PPP1R14C: variants seen among roughly 807,000 people sequenced by gnomAD.
PPP1R14C encodes protein phosphatase 1 regulatory subunit 14C.
PPP1R14C carries 16 observed loss-of-function variants against 20.4 expected under a neutral mutation model. The ratio of observed to expected loss-of-function variants is 0.78; its 90% CI spans 0.53 to 1.19. The LOEUF (loss-of-function observed/expected upper bound fraction) is 1.19, where lower values mean the gene tolerates loss of function less well. PPP1R14C is among the 50% of genes most tolerant of loss of function. PPP1R14C has a pLI of 0.00. For missense variants in PPP1R14C, 211 were observed against 220.1 expected, an observed-to-expected ratio of 0.96 and a Z score of 0.26; for synonymous variants, 91 against 91.0, an observed-to-expected ratio of 1.00 and a Z score of 0.00.
At chr6:150,194,187 T>TC (rs1777777094) in intron 1 of PPP1R14C, among the ~76,000 whole-genome samples, 1 of 152,226 alleles carries the variant, frequency 6.6e-6, no homozygotes, top group Admixed American at 6.5e-5. Flanking sequence ...TCTTTATGAA[T>TC]ACCCAGTCTC....
In PPP1R14C at chr6:150,240,323, C is replaced by T. The variant is rs535120976; in HGVS notation, c.424-8423C>T. Among the ~76,000 whole-genome samples, 166 of 152,240 alleles carry T rather than the reference C, an allele frequency of 1.1e-3. 1 individual carries two copies. The highest frequency in any genetic ancestry group is 3.7e-3 in the African/African-American group (155 of 41,536). ...CAGTGGAGAATGTCCAGGTTCTTCGCGTTTTGAACAAAGAATTGGACAAAA... is the reference window on the plus strand; with the variant it reads ...CAGTGGAGAATGTCCAGGTTCTTCGTGTTTTGAACAAAGAATTGGACAAAA... On this transcript the variant is annotated intron_variant, in intron 3 of 3. Coordinates refer to ENST00000361131, the MANE Select transcript of PPP1R14C (RefSeq NM_030949.3).
At chr6:150,154,061 C>G (rs1777279200) in intron 1 of PPP1R14C, among the ~76,000 whole-genome samples, 1 of 152,202 alleles carries the variant, frequency 6.6e-6, no homozygotes, top group Non-Finnish European at 1.5e-5. Context: ...GTCCTGTTCA[C>G]AGTTGTGTTA....
chr6:150,209,732 AGTGTGTGTATTC>A lies in PPP1R14C; in HGVS notation c.307-5001_307-4990del, dbSNP rs1327853305. On this transcript the variant is annotated intron_variant, in intron 1 of 3. Coordinates refer to ENST00000361131, the MANE Select transcript of PPP1R14C (RefSeq NM_030949.3). ...GCATGTGAGCGTATGAGTAGTGTGGAGTGTGTGTATTCGTGTGTGTATGTTTGTATATATATT... is the reference window on the plus strand; with the variant it reads ...GCATGTGAGCGTATGAGTAGTGTGGAGTGTGTGTATGTTTGTATATATATT... 1.5e-5 allele frequency among the ~76,000 whole-genome samples: 2 copies of A among 137,818 alleles called. 1 individual carries two copies. The highest frequency in any genetic ancestry group is 3.1e-5 in the Non-Finnish European group (2 of 63,974). The allele number at this position is 137,818 out of a possible 152,430, so 90.4% of individuals were successfully genotyped here.
intron 1 of PPP1R14C, among the ~76,000 whole-genome samples, chr6:150,168,499 C>G (rs1359212863): frequency 6.6e-6 from 1 of 151,686 alleles, no homozygotes; most frequent in Non-Finnish European, 1.5e-5. Context: ...CGCCACTACA[C>G]TCCAGCCTGG....
chr6:150,216,824 G>A lies in PPP1R14C; in HGVS notation c.391G>A (p.Glu131Lys), dbSNP rs752393854. ...SDEERASKLQ[E>K]ALVDCYKPTE... ...TGATTTTCTGTGTGTTTAATTCTAG[G>A]AAGCTCTTGTAGACTGCTACAAACC... The change falls in exon 3 of 4, where the codon GAA becomes AAA. Residue 131 changes from glutamate (E) to lysine (K), a missense_variant and splice_region_variant. Transcript: ENST00000361131. The A allele has an allele frequency of 9.4e-6, 15 of 1,592,110 alleles. No homozygotes were observed. Among genetic ancestry groups the A allele is most frequent in the Non-Finnish European group, 1.3e-5 (15 of 1,168,202 alleles).
chr6:150,199,732 A>G (rs7751160), intron 1 of PPP1R14C, among the ~76,000 whole-genome samples: 31,769 of 152,022 alleles, frequency 0.21, 4,121 homozygotes, highest in Non-Finnish European at 0.29. Flanking sequence ...AGCCAGGCTT[A>G]GTGGCACGCA....
At chr6:150,212,769 C>T (rs991958652) in intron 1 of PPP1R14C, among the ~76,000 whole-genome samples, 7 of 152,118 alleles carry the variant, frequency 4.6e-5, no homozygotes, top group African/African-American at 9.7e-5. Flanking sequence ...TGTTTAGATG[C>T]GCAAATATTT....
chr6:150,206,140 C>G (rs1777947081), intron 1 of PPP1R14C, among the ~76,000 whole-genome samples: 1 of 152,156 alleles, frequency 6.6e-6, no homozygotes, highest in African/African-American at 2.4e-5. Context: ...ACGTGTTTTC[C>G]CTTGATGCTG....
intron 3 of PPP1R14C, among the ~76,000 whole-genome samples, chr6:150,233,281 A>C (rs1470173834): frequency 6.6e-6 from 1 of 152,204 alleles, no homozygotes; most frequent in African/African-American, 2.4e-5. Flanking sequence ...AAGTACAGCA[A>C]ATCTTCACTT....
chr6:150,148,434 G>T (rs1777203022), intron 1 of PPP1R14C, among the ~76,000 whole-genome samples: 1 of 152,214 alleles, frequency 6.6e-6, no homozygotes, highest in Non-Finnish European at 1.5e-5. Flanking sequence ...CCCATGGTTT[G>T]CCTGTTCCCA....
At chr6:150,211,066 A>G (rs1481211945) in intron 1 of PPP1R14C, among the ~76,000 whole-genome samples, 1 of 152,186 alleles carries the variant, frequency 6.6e-6, no homozygotes, top group Non-Finnish European at 1.5e-5. Flanking sequence ...CCGCAAGGTC[A>G]GTTCACCTCC....
At chr6:150,231,527 T>G (rs1280684717) in intron 3 of PPP1R14C, among the ~76,000 whole-genome samples, 2 of 152,210 alleles carry the variant, frequency 1.3e-5, no homozygotes, top group African/African-American at 4.8e-5. Flanking sequence ...TCCTCTCTCT[T>G]TTTCTTCACT....
chr6:150,145,923 C>T (rs1777175665), intron 1 of PPP1R14C, among the ~76,000 whole-genome samples: 1 of 152,128 alleles, frequency 6.6e-6, no homozygotes, highest in African/African-American at 2.4e-5. Flanking sequence ...GATGACTTGA[C>T]CTTTTCAGAA....
At chr6:150,245,040 C>T (rs1431775555) in intron 3 of PPP1R14C, among the ~76,000 whole-genome samples, 1 of 152,066 alleles carries the variant, frequency 6.6e-6, no homozygotes, top group East Asian at 1.9e-4. Context: ...TCCAGTTTTC[C>T]CACACCTCAG....
chr6:150,241,280 G>A (rs763521469), intron 3 of PPP1R14C, among the ~76,000 whole-genome samples: 1 of 152,212 alleles, frequency 6.6e-6, no homozygotes, highest in Non-Finnish European at 1.5e-5. Flanking sequence ...CCCAGAGAGG[G>A]CACGAGAGCT....
chr6:150,231,237 T>C (rs545303747), intron 3 of PPP1R14C, among the ~76,000 whole-genome samples: 159 of 152,356 alleles, frequency 1.0e-3, no homozygotes, highest in Middle Eastern at 3.4e-3. Flanking sequence ...TAGAAGTCTC[T>C]CAGCAGCATG....
At chr6:150,167,808 C>A (rs62440052) in intron 1 of PPP1R14C, among the ~76,000 whole-genome samples, 8,578 of 152,110 alleles carry the variant, frequency 0.056, 296 homozygotes, top group Non-Finnish European at 0.087. Context: ...GGCAGGCACA[C>A]GAGGAATCCC....
At chr6:150,189,190 C>T (rs151195095) in intron 1 of PPP1R14C, among the ~76,000 whole-genome samples, 1 of 150,684 alleles carries the variant, frequency 6.6e-6, no homozygotes, top group Non-Finnish European at 1.5e-5. Context: ...CCTTTGTTCA[C>T]TCACTAAATT....
At chr6:150,198,874 C>A (rs1308182430) in intron 1 of PPP1R14C, among the ~76,000 whole-genome samples, 1 of 152,170 alleles carries the variant, frequency 6.6e-6, no homozygotes, top group East Asian at 1.9e-4. Context: ...ATCTTTGAAT[C>A]CTCAGCACCT....
Sources: gnomAD v4.1 joint callset for allele counts (sites outside exome capture counted in the v4.1 genomes callset) on GRCh38, gnomAD v4.1.1 for gene constraint, MANE v1.5 for transcripts, NCBI Gene and HGNC (gene_info 2026-07-23, HGNC 2026-07-21) for gene names.